ARHGAP45: variants seen among roughly 807,000 people sequenced by gnomAD.
The protein encoded by ARHGAP45 is rho GTPase-activating protein 45.
In ARHGAP45, 56 loss-of-function variants were observed where a neutral mutation model predicts 116.1. The ratio of observed to expected loss-of-function variants is 0.48; its 90% CI spans 0.39 to 0.60. ARHGAP45 has a LOEUF of 0.60. ARHGAP45 is among the 20% of genes least tolerant of loss of function. The pLI is 0.00. For missense variants in ARHGAP45, 1,622 were observed against 1,601.0 expected (o/e 1.01, Z -0.22); for synonymous variants, 866 against 701.7 (o/e 1.23, Z -3.70).
intron 1 of ARHGAP45, 128 bp downstream of exon 1, chr19:1,067,623 G>A (rs1776365639): frequency 3.3e-6 from 3 of 901,458 alleles, no homozygotes; most frequent in Non-Finnish European, 5.3e-6. Flanking sequence ...CCTACCGGGC[G>A]GGACGGCAGG....
chr19:1,083,372 C>G lies in ARHGAP45; in HGVS notation c.2955+19C>G, dbSNP rs1411129192. The G allele has an allele frequency of 6.5e-7, 1 of 1,535,332 alleles. No homozygotes were observed. Among genetic ancestry groups the G allele is most frequent in the Non-Finnish European group, 8.7e-7 (1 of 1,143,938 alleles). On this transcript the variant is annotated intron_variant, in intron 21 of 22. Transcript: ENST00000313093. ...GGGCCAGGTGAGGGTGTGGGCCTGACCGGGGCTGGCCACTCGGGGCTTGGG... is the reference window on the plus strand; with the variant it reads ...GGGCCAGGTGAGGGTGTGGGCCTGAGCGGGGCTGGCCACTCGGGGCTTGGG...
chr19:1,078,207 A>C (rs1437212261), intron 11 of ARHGAP45, among the ~76,000 whole-genome samples, 162 bp downstream of exon 11: 1 of 150,244 alleles, frequency 6.7e-6, no homozygotes, highest in South Asian at 2.1e-4. Flanking sequence ...GCAGTGGCAC[A>C]GTCTCGGCTC....
intron 22 of ARHGAP45, among the ~76,000 whole-genome samples, chr19:1,084,952 G>C (rs2043560468): frequency 6.6e-6 from 1 of 152,106 alleles, no homozygotes; most frequent in Non-Finnish European, 1.5e-5. Flanking sequence ...TGTGGTGGAG[G>C]GCACCTGTAA....
chr19:1,072,050 CTTTCTTTCT>C (rs2043150801), intron 2 of ARHGAP45, among the ~76,000 whole-genome samples: 1 of 135,134 alleles, frequency 7.4e-6, no homozygotes, highest in Non-Finnish European at 1.7e-5. Flanking sequence ...CTTTCCTTTT[CTTTCTTTCT>C]TTTCTTTCCT....
Position 1,068,717 on chromosome 19 carries a change from A to G in ARHGAP45, c.394A>G (p.Lys132Glu), listed in dbSNP as rs767461785. The change falls in exon 2 of 23, where the codon AAA (lysine) becomes GAA (glutamate). Residue 132 changes from lysine (K) to glutamate (E), a missense_variant. Lys to Glu is a moderately conservative substitution (Grantham distance 56). Around this residue, in one of 3 missense-constraint regions of ARHGAP45, gnomAD observed 279 missense variants for 311.9 expected, o/e 0.89. Transcript: ENST00000313093. The surrounding 1 kb of genome is among the most constrained non-coding windows in gnomAD (Gnocchi z 7.5). ...DVARFAEGLE[K>E]LKECVLRDDL... ...GGCCCGCTTCGCTGAGGGCCTTGAG[A>G]AACTTAAGGAGTGTGTGTTGCGTGA... 6.2e-7 allele frequency: 1 copy of G among 1,612,568 alleles called. No individual in the cohort carries two copies. The highest frequency in any genetic ancestry group is 1.7e-5 in the Admixed American group (1 of 60,014).
chr19:1,074,888 G>A lies in ARHGAP45; in HGVS notation c.1185+9G>A. On this transcript the variant is annotated intron_variant, in intron 10 of 22. Transcript: ENST00000313093. The stretch of plus-strand genomic sequence containing the variant: ...GTGCCCAGAGGAAGCTGGTGAGGCG[G>A]GCGGGCGGGGGCGGGCGGGGGCGGG... The A allele has an allele frequency of 7.0e-7, 1 of 1,427,758 alleles. No homozygotes were observed. Among genetic ancestry groups the A allele is most frequent in the African/African-American group, 1.4e-5 (1 of 69,106 alleles). The allele number at this position is 1,427,758 out of a possible 1,614,324, so 88.4% of individuals were successfully genotyped here.
rs2043079092 is a variant in ARHGAP45, at chr19:1,068,448, T to C, written c.125T>C (p.Phe42Ser). Residue 42 changes from phenylalanine (F) to serine (S), a missense_variant, in exon 2 of 23, where the codon TTC (phenylalanine) becomes TCC (serine). Physicochemically the swap from Phe to Ser is radical, Grantham distance 155 (BLOSUM62 -2). Around this residue, in one of 3 missense-constraint regions of ARHGAP45, gnomAD observed 279 missense variants for 311.9 expected, o/e 0.89. Coordinates refer to ENST00000313093, the MANE Select transcript of ARHGAP45 (RefSeq NM_012292.5). This position sits in a 1 kb window ranked among gnomAD's most constrained non-coding sequence, Gnocchi z 7.5. ...LPRKDGADAV[F>S]PGPSLEPPAG... ...AGGAAGGATGGGGCTGACGCGGTGT[T>C]CCCCGGACCAAGCCTGGAGCCGCCC... 7 of 1,579,944 alleles carry C rather than the reference T, an allele frequency of 4.4e-6. 1 individual carries two copies. In the East Asian group the frequency reaches 1.6e-4, roughly 37 times the overall value.
In ARHGAP45 at chr19:1,068,610, C is replaced by T; in HGVS notation, c.287C>T (p.Thr96Ile). Residue 96 changes from threonine (T) to isoleucine (I), a missense_variant, in exon 2 of 23, where the codon ACA (threonine) becomes ATA (isoleucine). This residue lies in a region of ARHGAP45 where 279 missense variants were observed against 311.9 expected (regional missense o/e 0.89). Coordinates refer to ENST00000313093, the MANE Select transcript of ARHGAP45 (RefSeq NM_012292.5). This position sits in a 1 kb window ranked among gnomAD's most constrained non-coding sequence, Gnocchi z 7.5. ...TLGRSHRSPL[T>I]AASPGELPTE... ...GGCCGGAGCCACCGGAGCCCACTGA[C>T]AGCCGCCAGCCCGGGCGAGCTGCCC... 6.2e-7 allele frequency: 1 copy of T among 1,611,296 alleles called. No individual in the cohort carries two copies. Among genetic ancestry groups the T allele is most frequent in the Non-Finnish European group, 8.5e-7 (1 of 1,179,152 alleles).
rs903591255 is a variant in ARHGAP45 at position 1,079,699 on chromosome 19, G to A, written c.1375-4G>A. The A allele has an allele frequency of 2.5e-6, 4 of 1,612,246 alleles. No homozygotes were observed. Among genetic ancestry groups the A allele is most frequent in the South Asian group, 1.1e-5 (1 of 91,016 alleles). ...TCTCTCTGTGCGCCCCGCCCCCACC[G>A]CAGGCGGAGGAAGCTATGGCCACCT... On this transcript the variant is annotated splice_polypyrimidine_tract_variant and splice_region_variant and intron_variant, in intron 11 of 22. Transcript: ENST00000313093.
chr19:1,074,379 A>C lies in ARHGAP45; in HGVS notation c.965A>C (p.His322Pro). Residue 322 changes from histidine (H) to proline (P), a missense_variant, in exon 8 of 23, where the codon CAC becomes CCC. Transcript: ENST00000313093. ...EFAKGLQKIA[H>P]NCRQSVMQEP... ...GCCAAGGGCCTGCAGAAGATCGCTC[A>C]CAACTGCAGACAGAGCGTCATGCAG... 6.3e-7 allele frequency: 1 copy of C among 1,592,134 alleles called. No individual in the cohort carries two copies. Among genetic ancestry groups the C allele is most frequent in the Non-Finnish European group, 8.6e-7 (1 of 1,168,600 alleles).
At chr19:1,073,918 G>C (rs554604859) in intron 5 of ARHGAP45, 30 bp from the exon 6 acceptor site, 2 of 1,535,676 alleles carry the variant, frequency 1.3e-6, no homozygotes, top group African/African-American at 1.4e-5. Context: ...CCCGCATGGG[G>C]CTGGTCTCAC....
chr19:1,075,940 C>T (rs1375313378), intron 10 of ARHGAP45, among the ~76,000 whole-genome samples: 1 of 152,204 alleles, frequency 6.6e-6, no homozygotes, highest in African/African-American at 2.4e-5. Context: ...GACAGCTCAC[C>T]TCATGCCCTG....
At chr19:1,075,321 T>G (rs2043225351) in intron 10 of ARHGAP45, among the ~76,000 whole-genome samples, 1 of 149,138 alleles carries the variant, frequency 6.7e-6, no homozygotes, top group Non-Finnish European at 1.5e-5. Context: ...AGGCTTTCAC[T>G]GCAACCTCCA....
chr19:1,073,176 C>T lies in ARHGAP45; in HGVS notation c.449C>T (p.Ala150Val), dbSNP rs756740256. 4 of 1,610,750 alleles carry T rather than the reference C, an allele frequency of 2.5e-6. No individual in the cohort carries two copies. Among genetic ancestry groups the T allele is most frequent in the Non-Finnish European group, 3.4e-6 (4 of 1,179,982 alleles). Residue 150 changes from alanine to valine, a missense_variant, in exon 3 of 23, where the codon GCC becomes GTC. Physicochemically the swap from Ala to Val is moderately conservative, Grantham distance 64. Coordinates refer to ENST00000313093, the MANE Select transcript of ARHGAP45 (RefSeq NM_012292.5). ...CTCCTTGAGGCCCGCCGCCCGCGGG[C>T]CCACGAGTGCCTGGGTGAGGCTCTG... ...DDLLEARRPR[A>V]HECLGEALRV...
At chr19:1,077,618 T>C in intron 10 of ARHGAP45, 1 of 1,384,536 alleles carries the variant, frequency 7.2e-7, no homozygotes, top group African/African-American at 1.5e-5. Flanking sequence ...ACTCCTGACC[T>C]CAAGTGATCC....
chr19:1,074,813 G>A lies in ARHGAP45; in HGVS notation c.1119G>A (p.Arg373=). Reference sequence around the variant, plus strand: ...TCTCGCCCCAGCCCCTGACCCTGCGGCGGCTTGAACACGAGAAGCGCAGGA... The same window carrying A: ...TCTCGCCCCAGCCCCTGACCCTGCGACGGCTTGAACACGAGAAGCGCAGGA... The part of the protein sequence containing the change: ...TQTFMQPLTL[R]RLEHEKRRKE... Residue 373 remains arginine, a synonymous_variant, in exon 10 of 23, where the codon CGG becomes CGA. Coordinates refer to ENST00000313093, the MANE Select transcript of ARHGAP45 (RefSeq NM_012292.5). The A allele has an allele frequency of 1.9e-6, 3 of 1,600,798 alleles. No individual in the cohort carries two copies. The highest frequency in any genetic ancestry group is 2.6e-6 in the Non-Finnish European group (3 of 1,175,534).
At chr19:1,085,313 G>A (rs1200118873) in intron 22 of ARHGAP45, among the ~76,000 whole-genome samples, 2 of 152,086 alleles carry the variant, frequency 1.3e-5, no homozygotes, top group African/African-American at 2.4e-5. Context: ...CAGGAAAGAC[G>A]CACCTCCAGG....
At chr19:1,084,745 A>G (rs2043551832) in intron 22 of ARHGAP45, among the ~76,000 whole-genome samples, 1 of 152,146 alleles carries the variant, frequency 6.6e-6, no homozygotes. Context: ...CGAGTGCCGC[A>G]TCTAGTTATG....
In ARHGAP45 at chr19:1,086,151, G is replaced by A. The variant is rs1485464799; in HGVS notation, c.*145G>A. 1.1e-5 allele frequency: 8 copies of A among 712,534 alleles called. No individual in the cohort carries two copies. Among genetic ancestry groups the A allele is most frequent in the African/African-American group, 1.8e-5 (1 of 55,890 alleles). 44.1% of individuals were successfully genotyped at this position (712,534 alleles called of 1,614,324 possible). A position where few individuals can be genotyped will look rare whatever the true frequency, so the allele number is the denominator to read the frequency against. On this transcript the variant is annotated 3_prime_UTR_variant, in exon 23 of 23. Transcript: ENST00000313093. ...CTGGACTTCGACGTCCCACCAGCGGGCGCCTCCTCCCAGAGGCTTCCAGGA... is the reference window on the plus strand; with the variant it reads ...CTGGACTTCGACGTCCCACCAGCGGACGCCTCCTCCCAGAGGCTTCCAGGA...
Sources: gnomAD v4.1 joint callset for allele counts (sites outside exome capture counted in the v4.1 genomes callset) on GRCh38, gnomAD v4.1.1 for gene constraint, gnomAD v4.1.1 regional missense constraint, Gnocchi (gnomAD v3.1) non-coding constraint, MANE v1.5 for transcripts, NCBI Gene and HGNC (gene_info 2026-07-23, HGNC 2026-07-21) for gene names.